RNF130: variants seen among roughly 807,000 people sequenced by gnomAD.
RNF130 encodes the protein ring finger protein 130, also known as E3 ubiquitin-protein ligase RNF130.
In RNF130, 21 loss-of-function variants were observed where a neutral mutation model predicts 44.6. The ratio of observed to expected loss-of-function variants is 0.47; its 90% confidence interval spans 0.33 to 0.68. The LOEUF (loss-of-function observed/expected upper bound fraction) is 0.68, where lower values mean the gene tolerates loss of function less well. Ranked by LOEUF, RNF130 falls within the 30% of genes least tolerant of loss-of-function variation. RNF130 has a pLI of 0.02. For missense variants in RNF130, 479 were observed against 560.6 expected, an observed-to-expected ratio of 0.85 and a Z score of 1.47; for synonymous variants, 214 against 210.4, an observed-to-expected ratio of 1.02 and a Z score of -0.15.
chr5:180,006,165 G>A (rs978409864), intron 3 of RNF130, among the ~76,000 whole-genome samples: 2 of 151,790 alleles, frequency 1.3e-5, no homozygotes, highest in African/African-American at 2.4e-5. Context: ...TAATCCTTAA[G>A]AAACATAATG....
chr5:179,926,489 T>C (rs1455692677), intron 7 of RNF130, among the ~76,000 whole-genome samples: 2 of 151,640 alleles, frequency 1.3e-5, no homozygotes, highest in Admixed American at 6.6e-5. Context: ...CTATTAAAAA[T>C]ACAAAAAAAA....
At chr5:179,960,323 T>G (rs1045754234) in intron 8 of RNF130, among the ~76,000 whole-genome samples, 1 of 152,234 alleles carries the variant, frequency 6.6e-6, no homozygotes, top group Non-Finnish European at 1.5e-5. Context: ...ATTTACCAGA[T>G]CTGTTTGCAG....
At chr5:179,930,486 G>A (rs182801718) in intron 7 of RNF130, among the ~76,000 whole-genome samples, 76 of 152,290 alleles carry the variant, frequency 5.0e-4, no homozygotes, top group Non-Finnish European at 2.4e-4. Flanking sequence ...TTTTCTCTGT[G>A]AAGAGTGACA....
chr5:179,922,322 A>T (rs13160016), intron 7 of RNF130, among the ~76,000 whole-genome samples: 1 of 151,542 alleles, frequency 6.6e-6, no homozygotes, highest in African/African-American at 2.4e-5. Context: ...TCTTTTTTTA[A>T]TTTTTTTTGA....
rs758564611 is a variant in RNF130 at position 179,937,931 on chromosome 5, TGTGAGA to T, written c.1151-17511_1151-17506del. On this transcript the variant is annotated intron_variant, in intron 7 of 7. Coordinates refer to the RNF130 transcript ENST00000522208. The stretch of plus-strand genomic sequence containing the variant: ...GTGTGTGTGTGTGTGTGTGTGTGTG[TGTGAGA>T]GAGAGAGAGAGAGAGAGAGAGAGAG... Among the ~76,000 whole-genome samples, 1,198 of 130,920 alleles carry T rather than the reference TGTGAGA, an allele frequency of 9.2e-3. 4 individuals are homozygous for T. Among genetic ancestry groups the T allele is most frequent in the Non-Finnish European group, 0.014 (839 of 61,680 alleles). 85.9% of individuals were successfully genotyped at this position (130,920 alleles called of 152,430 possible).
At position 179,974,762 on chromosome 5, in the gene RNF130, G is replaced by A. The variant is rs879429048; in HGVS notation, c.848+3441C>T. ...AATGCGAGTGTCACGAGATGCCGGC[G>A]AGTGGAGACAGAACACTGGAAGGAG... On this transcript the variant is annotated intron_variant, in intron 5 of 8. Transcript: ENST00000521389. Among the ~76,000 whole-genome samples the A allele has an allele frequency of 7.2e-5, 11 of 152,372 alleles. 1 individual carries two copies. Among genetic ancestry groups the A allele is most frequent in the South Asian group, 2.1e-4 (1 of 4,828 alleles).
At chr5:180,004,475 C>T (rs1357760992) in intron 3 of RNF130, among the ~76,000 whole-genome samples, 3 of 152,186 alleles carry the variant, frequency 2.0e-5, no homozygotes, top group African/African-American at 7.2e-5. Flanking sequence ...GACCATAGAT[C>T]TCCTTTCCAC....
intron 2 of RNF130, among the ~76,000 whole-genome samples, chr5:180,021,549 C>T (rs141353004): frequency 6.6e-6 from 1 of 152,156 alleles, no homozygotes; most frequent in African/African-American, 2.4e-5. Flanking sequence ...GCAAAGACAG[C>T]CTCCCTGGGT....
chr5:179,961,903 C>T (rs1561670449), intron 8 of RNF130, among the ~76,000 whole-genome samples: 1 of 152,192 alleles, frequency 6.6e-6, no homozygotes, highest in African/African-American at 2.4e-5. Flanking sequence ...GCTTGGCTAA[C>T]ATTTATTGAG....
intron 1 of RNF130, among the ~76,000 whole-genome samples, chr5:180,046,521 CCT>C (rs1764571429): frequency 6.6e-6 from 1 of 152,186 alleles, no homozygotes; most frequent in African/African-American, 2.4e-5. Flanking sequence ...CCTTCCTACC[CCT>C]GAGAATTGTC....
chr5:180,051,698 G>A (rs186518944), intron 1 of RNF130, among the ~76,000 whole-genome samples: 168 of 152,246 alleles, frequency 1.1e-3, no homozygotes, highest in African/African-American at 4.0e-3. Context: ...CTTAGTTACT[G>A]TGTATCTCAA....
chr5:179,945,094 T>A (rs530429769), intron 7 of RNF130, among the ~76,000 whole-genome samples: 4 of 152,212 alleles, frequency 2.6e-5, no homozygotes, highest in Admixed American at 1.3e-4. Flanking sequence ...TTGGCCAACA[T>A]GGTTAAAAAA....
rs763974960 is a variant in RNF130, at chr5:180,061,991, T to G, written c.247+9465A>C. Among the ~76,000 whole-genome samples the G allele has an allele frequency of 6.6e-5, 10 of 151,816 alleles. 1 individual carries two copies. The highest frequency in any genetic ancestry group is 1.5e-4 in the Non-Finnish European group (10 of 67,994). ...CAGAGCCCGCTGTCTGCTTCATCAATGGAGACTTCTTTGTGTCCTCACATG... is the reference window on the plus strand; with the variant it reads ...CAGAGCCCGCTGTCTGCTTCATCAAGGGAGACTTCTTTGTGTCCTCACATG... On this transcript the variant is annotated intron_variant, in intron 1 of 8. Coordinates refer to ENST00000521389, the MANE Select transcript of RNF130 (RefSeq NM_018434.6).
intron 2 of RNF130, among the ~76,000 whole-genome samples, chr5:180,037,180 T>C (rs1019574804): frequency 2.6e-5 from 4 of 152,232 alleles, no homozygotes; most frequent in African/African-American, 7.2e-5. Context: ...GCAGGTGTTT[T>C]CAATAATCTG....
At chr5:179,926,006 T>A (rs1211389638) in intron 7 of RNF130, among the ~76,000 whole-genome samples, 1 of 152,172 alleles carries the variant, frequency 6.6e-6, no homozygotes, top group Non-Finnish European at 1.5e-5. Context: ...GAAGCAGCTT[T>A]CCATTCTTGT....
At chr5:179,997,304 G>A (rs1309240811) in intron 3 of RNF130, among the ~76,000 whole-genome samples, 1 of 151,640 alleles carries the variant, frequency 6.6e-6, no homozygotes, top group African/African-American at 2.4e-5. Context: ...AACACGCCTG[G>A]CTTATGTTTT....
intron 3 of RNF130, among the ~76,000 whole-genome samples, chr5:179,991,504 G>C (rs1180948008): frequency 6.6e-6 from 1 of 152,080 alleles, no homozygotes; most frequent in Non-Finnish European, 1.5e-5. Context: ...GCTTTATATA[G>C]TCCATGCTTC....
At chr5:180,057,718 C>G (rs1734298465) in intron 1 of RNF130, among the ~76,000 whole-genome samples, 1 of 152,206 alleles carries the variant, frequency 6.6e-6, no homozygotes, top group Non-Finnish European at 1.5e-5. Context: ...CTATGTACCT[C>G]TCCATCCGGC....
downstream of RNF130, among the ~76,000 whole-genome samples, chr5:179,952,711 T>C (rs1762145080): frequency 6.6e-6 from 1 of 152,186 alleles, no homozygotes; most frequent in Non-Finnish European, 1.5e-5. Context: ...ATGCACCACA[T>C]TCATAGGATA....
Sources: gnomAD v4.1 joint callset for allele counts (sites outside exome capture counted in the v4.1 genomes callset) on GRCh38, gnomAD v4.1.1 for gene constraint, MANE v1.5 for transcripts, NCBI Gene and HGNC (gene_info 2026-07-23, HGNC 2026-07-21) for gene names.